Variants in ZBTB25 observed in about 807,000 individuals in gnomAD.
ZBTB25 encodes the protein zinc finger and BTB domain containing 25.
ZBTB25 carries 20 observed loss-of-function variants against 34.2 expected under a neutral mutation model. The ratio of observed to expected loss-of-function variants is 0.58; its 90% CI spans 0.41 to 0.85. The LOEUF (loss-of-function observed/expected upper bound fraction) is 0.85. Among genes scored for constraint, ZBTB25 ranks in the 40% least tolerant of loss-of-function variants. The pLI, the probability that ZBTB25 is intolerant of heterozygous loss-of-function variation, is 0.00. For missense variants in ZBTB25, 437 were observed against 521.8 expected (o/e 0.84, Z 1.58); for synonymous variants, 175 against 186.4 (o/e 0.94, Z 0.50).
intron 2 of ZBTB25, among the ~76,000 whole-genome samples, chr14:64,489,456 A>G (rs1477507706): frequency 6.6e-6 from 1 of 152,142 alleles, no homozygotes; most frequent in African/African-American, 2.4e-5. Context: ...TAGGGACAGC[A>G]GTAGAATTTA....
At chr14:64,469,529 G>T (rs148652014) in intron 2 of ZBTB25, 2 of 1,613,836 alleles carry the variant, frequency 1.2e-6, no homozygotes, top group South Asian at 1.1e-5. Context: ...TAATGATAAT[G>T]GTTTTGAGGA....
chr14:64,449,682 T>C (rs1230059560), intron 2 of ZBTB25: 3 of 1,578,584 alleles, frequency 1.9e-6, no homozygotes, highest in Admixed American at 1.8e-5. Flanking sequence ...GTGAAGTTTC[T>C]GTGTGGCTAC....
Position 64,487,589 on chromosome 14 carries a change from G to T in ZBTB25, c.642C>A (p.Ile214=). Residue 214 remains isoleucine, a synonymous_variant, in exon 3 of 3, where the codon ATC becomes ATA. Transcript: ENST00000608382. ...ATGAGGGTGAGGGGTGGCTCTGGGAGATCACAGATTCTGGGTCACATCTCT... is the reference window on the plus strand; with the variant it reads ...ATGAGGGTGAGGGGTGGCTCTGGGATATCACAGATTCTGGGTCACATCTCT... ...KQERCDPESV[I]SQSHPSPSSE... 1.2e-6 allele frequency: 2 copies of T among 1,607,110 alleles called. No homozygotes were observed. Among genetic ancestry groups the T allele is most frequent in the Non-Finnish European group, 1.7e-6 (2 of 1,175,538 alleles).
At chr14:64,504,211 C>G (rs1246263861), upstream of ZBTB25, 1 of 116,584 alleles carries the variant, frequency 8.6e-6, no homozygotes, top group Non-Finnish European at 1.8e-5. Context: ...TGGGGCATGG[C>G]GGGGGAAGTG....
rs1326829113 is a variant in ZBTB25, at chr14:64,453,850, TA to T, written c.174-4213del. ...CGAAGCTCAACACAAAGCTGAAGTC[TA>T]CACGAAGCAGGTAGATGTTTGGTTA... On this transcript the variant is annotated intron_variant, in intron 2 of 2. Coordinates refer to the ZBTB25 transcript ENST00000555220. 16 of 1,601,946 alleles carry T rather than the reference TA, an allele frequency of 1.0e-5. No individual in the cohort carries two copies. Among genetic ancestry groups the T allele is most frequent in the Non-Finnish European group, 1.2e-5 (14 of 1,168,900 alleles).
In ZBTB25 at chr14:64,484,339, C is replaced by G. The variant is rs1427544180; in HGVS notation, c.*2584G>C. On this transcript the variant is annotated 3_prime_UTR_variant, in exon 3 of 3. Coordinates refer to ENST00000608382, the MANE Select transcript of ZBTB25 (RefSeq NM_006977.5). ...GCTGTCTTATCCAACCAACCATGTA[C>G]AACTCTACCTCCACCCTTTAGCTAT... 1 of 152,250 alleles carries G rather than the reference C, an allele frequency of 6.6e-6. No individual in the cohort carries two copies. Among genetic ancestry groups the G allele is most frequent in the East Asian group, 1.9e-4 (1 of 5,202 alleles). 9.4% of individuals were successfully genotyped at this position (152,250 alleles called of 1,614,324 possible). A position where few individuals can be genotyped will look rare whatever the true frequency, so the allele number is the denominator to read the frequency against.
At chr14:64,489,694 C>G (rs2079008998) in intron 2 of ZBTB25, among the ~76,000 whole-genome samples, 2 of 151,588 alleles carry the variant, frequency 1.3e-5, no homozygotes, top group Admixed American at 6.6e-5. Flanking sequence ...CACCACCATG[C>G]CTGGCTAATT....
chr14:64,504,835 G>A (rs967140586), upstream of ZBTB25: 2 of 393,128 alleles, frequency 5.1e-6, no homozygotes, highest in Non-Finnish European at 4.5e-6. Flanking sequence ...GCCGAGCGCC[G>A]CGCGCCGCCG....
chr14:64,453,636 A>G, intron 2 of ZBTB25: 1 of 706,628 alleles, frequency 1.4e-6, no homozygotes, highest in African/African-American at 1.8e-5. Context: ...ATGTATATGT[A>G]TATAAAAACC....
At chr14:64,505,073 G>C (rs538016482), upstream of ZBTB25, 60 of 364,578 alleles carry the variant, frequency 1.6e-4, 1 homozygote, top group African/African-American at 1.1e-3. Flanking sequence ...GGAGCGCGGC[G>C]GACGCGCTGC....
At chr14:64,501,065 C>CA (rs912944107) in intron 1 of ZBTB25, among the ~76,000 whole-genome samples, 18 of 151,738 alleles carry the variant, frequency 1.2e-4, no homozygotes, top group South Asian at 2.1e-4. Context: ...AACAAACAAA[C>CA]AAAAAAAACC....
chr14:64,458,736 T>C (rs1405326459), intron 2 of ZBTB25: 2 of 224,948 alleles, frequency 8.9e-6, no homozygotes, highest in African/African-American at 4.6e-5. Flanking sequence ...TTAGGAAGTA[T>C]AATAGAAAAG....
At chr14:64,453,307 C>T (rs1186884522) in intron 2 of ZBTB25, among the ~76,000 whole-genome samples, 1 of 152,094 alleles carries the variant, frequency 6.6e-6, no homozygotes, top group Admixed American at 6.5e-5. Flanking sequence ...TGCAGTGGCT[C>T]ACACCTGTAA....
At chr14:64,458,989 C>T (rs1170724372) in intron 2 of ZBTB25, among the ~76,000 whole-genome samples, 1 of 152,052 alleles carries the variant, frequency 6.6e-6, no homozygotes, top group East Asian at 1.9e-4. Context: ...TCTCCAGAGA[C>T]GAAAAAAGTG....
At position 64,487,113 on chromosome 14, in the gene ZBTB25, C is replaced by T. The variant is rs2078890299; in HGVS notation, c.1118G>A (p.Gly373Asp). 1 of 1,614,082 alleles carries T rather than the reference C, an allele frequency of 6.2e-7. No homozygotes were observed. The highest frequency in any genetic ancestry group is 1.3e-5 in the African/African-American group (1 of 74,924). ...GCATCGGTTATATCTGTAAGATTTA[C>T]CTTTGTGTGTATACATGTGTTCCAA... is the stretch of plus-strand genomic sequence containing the variant. Reference protein sequence around the residue: ...QLLEHMYTHKGKSYRYNRCQR... With the variant: ...QLLEHMYTHKDKSYRYNRCQR... The change falls in exon 3 of 3, where the codon GGT becomes GAT. Residue 373 changes from glycine (G) to aspartate (D), a missense_variant. By Grantham distance (94) the Gly-to-Asp change is moderately conservative. Transcript: ENST00000608382.
chr14:64,481,699 TCA>T lies in ZBTB25; in HGVS notation c.*5222_*5223del, dbSNP rs972382895. The stretch of plus-strand genomic sequence containing the variant: ...TTCTTCCAGGTCTTCAAGACAAAAA[TCA>T]CAGTTTGTAATTCCTTGTATTTAAG... On this transcript the variant is annotated 3_prime_UTR_variant, in exon 3 of 3. Transcript: ENST00000608382. The T allele has an allele frequency of 8.5e-5, 13 of 152,186 alleles. No individual in the cohort carries two copies. The highest frequency in any genetic ancestry group is 3.1e-4 in the African/African-American group (13 of 41,428). The allele number at this position is 152,186 out of a possible 1,614,324, so 9.4% of individuals were successfully genotyped here.
At chr14:64,477,724 T>A (rs79922012), downstream of ZBTB25, among the ~76,000 whole-genome samples, 4,248 of 151,952 alleles carry the variant, frequency 0.028, 65 homozygotes, top group Middle Eastern at 0.054. Flanking sequence ...CAAAAAAAAA[T>A]TTTTTTTTAA....
At chr14:64,463,786 A>C (rs2078581962) in intron 2 of ZBTB25, among the ~76,000 whole-genome samples, 1 of 152,086 alleles carries the variant, frequency 6.6e-6, no homozygotes, top group South Asian at 2.1e-4. Context: ...AAAATAAGAC[A>C]GCTATTTTAC....
intron 2 of ZBTB25, chr14:64,470,000 T>C (rs190319555): frequency 4.5e-4 from 96 of 211,370 alleles, no homozygotes; most frequent in African/African-American, 1.9e-3. Flanking sequence ...TGGTATGCCA[T>C]AAGCTTTTTA....
Sources: allele counts gnomAD v4.1 joint callset (sites outside exome capture counted in the v4.1 genomes callset), GRCh38; gene constraint gnomAD v4.1.1; transcripts MANE v1.5; gene names NCBI Gene and HGNC (gene_info 2026-07-23, HGNC 2026-07-21).